The following PPP1R12A variants were observed in gnomAD, a reference collection of about 807,000 sequenced individuals.
PPP1R12A encodes the protein protein phosphatase 1 regulatory subunit 12A, also known as myosin binding subunit.
In PPP1R12A, 19 loss-of-function variants were observed where a neutral mutation model predicts 139.6. That is an observed-to-expected ratio of 0.14 (90% confidence interval 0.09 to 0.20). PPP1R12A has a LOEUF of 0.20. Ranked by LOEUF, PPP1R12A falls within the 10% of genes least tolerant of loss-of-function variation. PPP1R12A has a pLI of 1.00. For synonymous variants in PPP1R12A, 427 were observed against 420.6 expected, an observed-to-expected ratio of 1.02 and a Z score of -0.19; for missense variants, 925 against 1,211.5, an observed-to-expected ratio of 0.76 and a Z score of 3.51.
intron 8 of PPP1R12A, 90 bp from the exon 9 acceptor site, chr12:79,817,608 T>TAACTAA: frequency 7.7e-7 from 1 of 1,297,904 alleles, no homozygotes. Flanking sequence ...CATTTTTGTT[T>TAACTAA]AAGGTTTTGT....
Position 79,809,962 on chromosome 12 carries a change from C to T in PPP1R12A, c.1288G>A (p.Asp430Asn), listed in dbSNP as rs745373518. ...AACCTCCAAGTTGCAGGAGACTCAT[C>T]TTTTCTCTCTTCTTCTTTGGGAGAA... ...KISPKEEERK[D>N]ESPATWRLGL... The change falls in exon 10 of 25, where the codon GAT becomes AAT. Residue 430 changes from aspartate to asparagine, a missense_variant. Asp to Asn is a conservative substitution (Grantham distance 23). Transcript: ENST00000450142. The T allele has an allele frequency of 6.2e-7, 1 of 1,613,434 alleles. No individual in the cohort carries two copies. The highest frequency in any genetic ancestry group is 1.1e-5 in the South Asian group (1 of 90,964).
chr12:79,899,975 CAT>C (rs1345744729), intron 1 of PPP1R12A, among the ~76,000 whole-genome samples: 18 of 152,228 alleles, frequency 1.2e-4, no homozygotes, highest in Non-Finnish European at 2.5e-4. Context: ...TGTTATTTTG[CAT>C]ATTATTCATA....
chr12:79,882,835 A>G (rs1033943624), intron 1 of PPP1R12A, among the ~76,000 whole-genome samples: 2 of 152,046 alleles, frequency 1.3e-5, no homozygotes, highest in Non-Finnish European at 2.9e-5. Context: ...AGCAGCCAAC[A>G]TCAAGTCAAG....
At chr12:79,866,510 G>C (rs918065472) in intron 2 of PPP1R12A, among the ~76,000 whole-genome samples, 7 of 152,198 alleles carry the variant, frequency 4.6e-5, no homozygotes, top group African/African-American at 1.4e-4. Context: ...CACAGCAAAA[G>C]AAACTATCAT....
rs751053776 is a variant in PPP1R12A, at chr12:79,796,852, T to C, written c.2391A>G (p.Leu797=). Residue 797 remains leucine (L), a synonymous_variant, in exon 17 of 25, where the codon CTA becomes CTG. Transcript: ENST00000450142. ...MSSSLYASSQ[L]NRPNSLVGIT... ...TGCCTACAAGACTATTTGGCCTGTT[T>C]AGTTGACTTGAAGCATACAGTGAAC... 14 of 1,611,536 alleles carry C rather than the reference T, an allele frequency of 8.7e-6. No individual in the cohort carries two copies. Among genetic ancestry groups the C allele is most frequent in the Middle Eastern group, 1.6e-4 (1 of 6,078 alleles).
At chr12:79,881,633 T>A (rs868171806) in intron 1 of PPP1R12A, among the ~76,000 whole-genome samples, 1 of 152,176 alleles carries the variant, frequency 6.6e-6, no homozygotes, top group Non-Finnish European at 1.5e-5. Flanking sequence ...AGAAGCTGCA[T>A]CTTCCAGATG....
chr12:79,833,345 A>G (rs944977989), intron 3 of PPP1R12A, among the ~76,000 whole-genome samples: 2 of 152,048 alleles, frequency 1.3e-5, no homozygotes, highest in Non-Finnish European at 2.9e-5. Flanking sequence ...AACACCTTGG[A>G]AAAAAAATTA....
chr12:79,808,505 C>T lies in PPP1R12A; in HGVS notation c.1528G>A (p.Asp510Asn). 1 of 1,605,208 alleles carries T rather than the reference C, an allele frequency of 6.2e-7. No individual in the cohort carries two copies. Among genetic ancestry groups the T allele is most frequent in the Non-Finnish European group, 8.5e-7 (1 of 1,173,162 alleles). The change falls in exon 11 of 25, where the codon GAC (aspartate) becomes AAC (asparagine). Residue 510 changes from aspartate (D) to asparagine (N), a missense_variant. Physicochemically the swap from Asp to Asn is conservative, Grantham distance 23. Around this residue, in one of 4 missense-constraint regions of PPP1R12A, gnomAD observed 403 missense variants for 463.7 expected, o/e 0.87. Transcript: ENST00000450142. Reference sequence around the variant, plus strand: ...CACCTGTTTTCTTTCTCTTCAATGTCAGATGTACTGGCTAGTCGTCTTGGT... The same window carrying T: ...CACCTGTTTTCTTTCTCTTCAATGTTAGATGTACTGGCTAGTCGTCTTGGT... The part of the protein sequence containing the change: ...TIPRRLASTS[D>N]IEEKENRDSS...
rs191841862 is a variant in PPP1R12A, at chr12:79,926,677, T to C, written c.237+8018A>G. Reference sequence around the variant, plus strand: ...TATTAGTTTACATTGTGTCCAATTTTTTTTAATCATTAAATATTTATTGTG... The same window carrying C: ...TATTAGTTTACATTGTGTCCAATTTCTTTTAATCATTAAATATTTATTGTG... On this transcript the variant is annotated intron_variant, in intron 1 of 24. Coordinates refer to ENST00000450142, the MANE Select transcript of PPP1R12A (RefSeq NM_002480.3). Among the ~76,000 whole-genome samples, 345 of 152,310 alleles carry C rather than the reference T, an allele frequency of 2.3e-3. 2 individuals are homozygous for C. The highest frequency in any genetic ancestry group is 3.4e-3 in the Middle Eastern group (1 of 294).
chr12:79,850,329 A>G (rs1469903233), intron 2 of PPP1R12A, among the ~76,000 whole-genome samples: 1 of 152,214 alleles, frequency 6.6e-6, no homozygotes, highest in Non-Finnish European at 1.5e-5. Context: ...ATTGGTTGCA[A>G]TGTGAATATG....
intron 1 of PPP1R12A, among the ~76,000 whole-genome samples, chr12:79,899,765 C>G (rs546703059): frequency 1.3e-5 from 2 of 152,274 alleles, no homozygotes; most frequent in South Asian, 2.1e-4. Context: ...CAGGTATACA[C>G]TGACTTTTAT....
At chr12:79,812,360 C>CCATT (rs1874655657) in intron 9 of PPP1R12A, among the ~76,000 whole-genome samples, 1 of 138,406 alleles carries the variant, frequency 7.2e-6, no homozygotes, top group Non-Finnish European at 1.6e-5. Context: ...TTTACTCTGA[C>CCATT]CATTCCTTTT....
chr12:79,821,697 G>GA (rs1385301409), intron 6 of PPP1R12A, among the ~76,000 whole-genome samples: 1 of 151,238 alleles, frequency 6.6e-6, no homozygotes. Context: ...AGGCTGCAGT[G>GA]AGTTGAGATC....
Position 79,828,445 on chromosome 12 carries a change from A to G in PPP1R12A, c.667T>C (p.Tyr223His). 6.2e-7 allele frequency: 1 copy of G among 1,603,986 alleles called. No individual in the cohort carries two copies. The highest frequency in any genetic ancestry group is 8.5e-7 in the Non-Finnish European group (1 of 1,173,390). The change falls in exon 5 of 25, where the codon TAT (tyrosine) becomes CAT (histidine). Residue 223 changes from tyrosine to histidine, a missense_variant. Tyr to His is a moderately conservative substitution (Grantham distance 83, BLOSUM62 2). Coordinates refer to ENST00000450142, the MANE Select transcript of PPP1R12A (RefSeq NM_002480.3). ...TCATAGTCTTTAATATTAACATCAT[A>G]GCCTGCCTGTATTAAAAGTCTAAAG... Reference protein sequence around the residue: ...EVLKLLIQAGYDVNIKDYDGW... With the variant: ...EVLKLLIQAGHDVNIKDYDGW...
At chr12:79,922,452 TCAATG>T (rs1187707136) in intron 1 of PPP1R12A, among the ~76,000 whole-genome samples, 1 of 152,110 alleles carries the variant, frequency 6.6e-6, no homozygotes, top group Non-Finnish European at 1.5e-5. Context: ...CAAATCCCCA[TCAATG>T]ATGAACTGGA....
At chr12:79,877,274 A>G (rs1177011515) in intron 1 of PPP1R12A, among the ~76,000 whole-genome samples, 1 of 152,194 alleles carries the variant, frequency 6.6e-6, no homozygotes, top group African/African-American at 2.4e-5. Flanking sequence ...TGCCTAGAAC[A>G]TATCTTACAT....
intron 1 of PPP1R12A, among the ~76,000 whole-genome samples, chr12:79,931,652 A>T (rs1342464423): frequency 6.6e-6 from 1 of 152,234 alleles, no homozygotes; most frequent in East Asian, 1.9e-4. Context: ...AAACTCTACC[A>T]GGTAGCTATA....
intron 1 of PPP1R12A, among the ~76,000 whole-genome samples, chr12:79,919,588 A>G (rs573718005): frequency 5.9e-5 from 9 of 151,944 alleles, no homozygotes; most frequent in East Asian, 1.9e-4. Flanking sequence ...CCCTCCCCCA[A>G]TCTAGGTGAA....
In PPP1R12A at chr12:79,782,517, T is replaced by C. The variant is rs1592603914; in HGVS notation, c.2908-655A>G. On this transcript the variant is annotated intron_variant, in intron 22 of 24. Transcript: ENST00000450142. ...GACCAGCTCAAAGCTGATGAAATCC[T>C]GATATATAAGCTTGGCTTTAAGGGA... 4 of 449,404 alleles carry C rather than the reference T, an allele frequency of 8.9e-6. No individual in the cohort carries two copies. The East Asian group carries it at 2.8e-4, about 31-fold the overall frequency. The allele number at this position is 449,404 out of a possible 1,614,324, so 27.8% of individuals were successfully genotyped here.
Sources: gnomAD v4.1 joint callset for allele counts (sites outside exome capture counted in the v4.1 genomes callset) on GRCh38, gnomAD v4.1.1 for gene constraint, gnomAD v4.1.1 regional missense constraint, MANE v1.5 for transcripts, NCBI Gene and HGNC (gene_info 2026-07-23, HGNC 2026-07-21) for gene names.